The following SEMA3B variants were observed in gnomAD, a reference collection of about 807,000 sequenced individuals.
SEMA3B encodes the protein semaphorin 3B.
In SEMA3B, 71 loss-of-function variants were observed where a neutral mutation model predicts 77.8. The observed-to-expected ratio is 0.91, with a 90% CI of 0.75 to 1.11. The LOEUF (loss-of-function observed/expected upper bound fraction) is 1.11. SEMA3B is among the 50% of genes most tolerant of loss of function. The pLI, the probability that SEMA3B is intolerant of heterozygous loss-of-function variation, is 0.00. For synonymous variants in SEMA3B, 470 were observed against 452.9 expected (o/e 1.04, Z -0.48); for missense variants, 968 against 1,056.8 (o/e 0.92, Z 1.17).
chr3:50,273,626 A>T lies in SEMA3B; in HGVS notation c.902A>T (p.Asp301Val). ...TGCTCGGTGCCCGGCGTCGAGGGCG[A>T]CACCCACTTCGATCAGCTCCGTGAG... The part of the protein sequence containing the change: ...LVCSVPGVEG[D>V]THFDQLQDVF... Residue 301 changes from aspartate to valine, a missense_variant, in exon 8 of 17, where the codon GAC (aspartate) becomes GTC (valine). Asp to Val is a radical substitution (Grantham distance 152). Coordinates refer to ENST00000616701, the MANE Select transcript of SEMA3B (RefSeq NM_001290060.2). This position sits in a 1 kb window ranked among gnomAD's most constrained non-coding sequence, Gnocchi z 6.5. 1 of 1,611,968 alleles carries T rather than the reference A, an allele frequency of 6.2e-7. No homozygotes were observed. The highest frequency in any genetic ancestry group is 8.5e-7 in the Non-Finnish European group (1 of 1,179,584).
At position 50,276,923 on chromosome 3, in the gene SEMA3B, C is replaced by A; in HGVS notation, c.*217C>A. ...GCAGCCCCGGGAGGGCGGCACAGGTCGGGCGCAGGATTCAGCCGGAGGGAA... is the reference window on the plus strand; with the variant it reads ...GCAGCCCCGGGAGGGCGGCACAGGTAGGGCGCAGGATTCAGCCGGAGGGAA... On this transcript the variant is annotated 3_prime_UTR_variant, in exon 17 of 17. Coordinates refer to ENST00000616701, the MANE Select transcript of SEMA3B (RefSeq NM_001290060.2). This position sits in a 1 kb window ranked among gnomAD's most constrained non-coding sequence, Gnocchi z 5.8. The A allele has an allele frequency of 3.8e-6, 2 of 524,510 alleles. No homozygotes were observed. Among genetic ancestry groups the A allele is most frequent in the Non-Finnish European group, 6.3e-6 (2 of 319,734 alleles). The allele number at this position is 524,510 out of a possible 1,614,324, so 32.5% of individuals were successfully genotyped here. A position where few individuals can be genotyped will look rare whatever the true frequency, so the allele number is the denominator to read the frequency against.
rs1553705825 is a variant in SEMA3B at position 50,273,559 on chromosome 3, C to A, written c.835C>A (p.Leu279Met). The change falls in exon 8 of 17, where the codon CTG becomes ATG. Residue 279 changes from leucine to methionine, a missense_variant. Physicochemically the swap from Leu to Met is conservative, Grantham distance 15 (BLOSUM62 2). Transcript: ENST00000616701. This position sits in a 1 kb window ranked among gnomAD's most constrained non-coding sequence, Gnocchi z 6.5. ...GAACGACGTGGGCGGCCAGCGCAGCCTGGTCAACAAGTGGACGACGTTCCT... is the reference window on the plus strand; with the variant it reads ...GAACGACGTGGGCGGCCAGCGCAGCATGGTCAACAAGTGGACGACGTTCCT... ...CRNDVGGQRS[L>M]VNKWTTFLKA... is the part of the protein sequence containing the mutation. 6.2e-7 allele frequency: 1 copy of A among 1,613,314 alleles called. No homozygotes were observed. The highest frequency in any genetic ancestry group is 8.5e-7 in the Non-Finnish European group (1 of 1,179,708).
rs1553706156 is a variant in SEMA3B, at chr3:50,274,608, C to G, written c.1357+26C>G. Reference sequence around the variant, plus strand: ...GTCAGGGTCCCTCCACAGCGACCCCCAGGCTCCCAGCCAGGCCCTGTGGGC... The same window carrying G: ...GTCAGGGTCCCTCCACAGCGACCCCGAGGCTCCCAGCCAGGCCCTGTGGGC... On this transcript the variant is annotated intron_variant, in intron 11 of 16. Coordinates refer to ENST00000616701, the MANE Select transcript of SEMA3B (RefSeq NM_001290060.2). This position sits in a 1 kb window ranked among gnomAD's most constrained non-coding sequence, Gnocchi z 4.7. 6.6e-7 allele frequency: 1 copy of G among 1,514,564 alleles called. No homozygotes were observed. Among genetic ancestry groups the G allele is most frequent in the Non-Finnish European group, 8.9e-7 (1 of 1,129,890 alleles). The allele number at this position is 1,514,564 out of a possible 1,614,324, so 93.8% of individuals were successfully genotyped here. A position where few individuals can be genotyped will look rare whatever the true frequency, so the allele number is the denominator to read the frequency against.
At position 50,270,214 on chromosome 3, in the gene SEMA3B, G is replaced by C; in HGVS notation, c.197G>C (p.Arg66Pro). 1 of 1,610,396 alleles carries C rather than the reference G, an allele frequency of 6.2e-7. No individual in the cohort carries two copies. The highest frequency in any genetic ancestry group is 8.5e-7 in the Non-Finnish European group (1 of 1,178,724). Residue 66 changes from arginine to proline, a missense_variant, in exon 2 of 17, where the codon CGC (arginine) becomes CCC (proline). Physicochemically the swap from Arg to Pro is moderately radical, Grantham distance 103 (BLOSUM62 -2). Coordinates refer to ENST00000616701, the MANE Select transcript of SEMA3B (RefSeq NM_001290060.2). The surrounding 1 kb of genome is among the most constrained non-coding windows in gnomAD (Gnocchi z 4.7). ...QALLVDEERGRLFVGAENHVA... is the reference protein window; with the variant it reads ...QALLVDEERGPLFVGAENHVA... ...TTGCTGGTGGATGAGGAGCGTGGAC[G>C]CCTGTTTGTGGGTGCCGAGAACCAT...
chr3:50,270,972 C>T lies in SEMA3B; in HGVS notation c.413C>T (p.Pro138Leu). The change falls in exon 4 of 17, where the codon CCA (proline) becomes CTA (leucine). Residue 138 changes from proline to leucine, a missense_variant. Pro to Leu is a moderately conservative substitution (Grantham distance 98, BLOSUM62 -3). Transcript: ENST00000616701. This position sits in a 1 kb window ranked among gnomAD's most constrained non-coding sequence, Gnocchi z 4.7. ...GCCTGTGGCACGGGAGCCTTCCACC[C>T]AACCTGTGCCTTTGTGGAAGTGGGC... ...LLACGTGAFH[P>L]TCAFVEVGHR... The T allele has an allele frequency of 6.2e-7, 1 of 1,610,404 alleles. No individual in the cohort carries two copies. The highest frequency in any genetic ancestry group is 8.5e-7 in the Non-Finnish European group (1 of 1,178,344).
In SEMA3B at chr3:50,276,274, C is replaced by T. The variant is rs587748932; in HGVS notation, c.1846-28C>T. 2.1e-6 allele frequency: 3 copies of T among 1,455,278 alleles called. No individual in the cohort carries two copies. Among genetic ancestry groups the T allele is most frequent in the Admixed American group, 5.0e-5 (2 of 39,788 alleles). 90.1% of individuals were successfully genotyped at this position (1,455,278 alleles called of 1,614,324 possible). A position where few individuals can be genotyped will look rare whatever the true frequency, so the allele number is the denominator to read the frequency against. ...GAAGCCCTGTTCCCGGCCCGACACC[C>T]CCGCCTCACGCTGCCCTCTGCCCGC... On this transcript the variant is annotated intron_variant, in intron 16 of 16. Transcript: ENST00000616701. This position sits in a 1 kb window ranked among gnomAD's most constrained non-coding sequence, Gnocchi z 5.8.
In SEMA3B at chr3:50,273,638, A is replaced by G. The variant is rs1307245634; in HGVS notation, c.914A>G (p.Asp305Gly). The G allele has an allele frequency of 6.2e-7, 1 of 1,611,070 alleles. No individual in the cohort carries two copies. The highest frequency in any genetic ancestry group is 2.2e-5 in the East Asian group (1 of 44,868). The change falls in exon 8 of 17, where the codon GAT becomes GGT. Residue 305 changes from aspartate (D) to glycine (G), a missense_variant. Transcript: ENST00000616701. This position sits in a 1 kb window ranked among gnomAD's most constrained non-coding sequence, Gnocchi z 6.5. ...VPGVEGDTHF[D>G]QLQDVFLLSS... ...GGCGTCGAGGGCGACACCCACTTCG[A>G]TCAGCTCCGTGAGTGCGGGAGTGGG...
Position 50,273,678 on chromosome 3 carries a change from G to T in SEMA3B, c.922+32G>T. On this transcript the variant is annotated intron_variant, in intron 8 of 16. Transcript: ENST00000616701. The surrounding 1 kb of genome is among the most constrained non-coding windows in gnomAD (Gnocchi z 6.5). ...GCGGGAGTGGGTATGGGGTTGGGGA[G>T]GGGGGCAGCGGCGCAGACTCCGGGA... 6.2e-7 allele frequency: 1 copy of T among 1,603,340 alleles called. No individual in the cohort carries two copies. The highest frequency in any genetic ancestry group is 8.5e-7 in the Non-Finnish European group (1 of 1,177,766).
Position 50,274,736 on chromosome 3 carries a change from C to G in SEMA3B, c.1358-107C>G. On this transcript the variant is annotated intron_variant, in intron 11 of 16. Transcript: ENST00000616701. This position sits in a 1 kb window ranked among gnomAD's most constrained non-coding sequence, Gnocchi z 4.7. ...CCAACCCACACTCTTCCAGTCCACA[C>G]TCTTCACAACCCAAACATGCTGAGG... 1 of 1,427,656 alleles carries G rather than the reference C, an allele frequency of 7.0e-7. No homozygotes were observed. Among genetic ancestry groups the G allele is most frequent in the Non-Finnish European group, 9.6e-7 (1 of 1,038,940 alleles). 88.4% of individuals were successfully genotyped at this position (1,427,656 alleles called of 1,614,324 possible). A position where few individuals can be genotyped will look rare whatever the true frequency, so the allele number is the denominator to read the frequency against.
At chr3:50,268,349 G>A (rs1037102190), upstream of SEMA3B, among the ~76,000 whole-genome samples, 2 of 152,232 alleles carry the variant, frequency 1.3e-5, no homozygotes, top group Non-Finnish European at 2.9e-5. Flanking sequence ...GCTGCAGTTG[G>A]ATTTGCTCAC....
intron 6 of SEMA3B, among the ~76,000 whole-genome samples, chr3:50,272,912 A>T (rs1701094703): frequency 6.7e-6 from 1 of 148,840 alleles, no homozygotes. Context: ...AAGGATTTGA[A>T]GCAGGAGTGG....
upstream of SEMA3B, chr3:50,262,593 C>G (rs936155966): frequency 6.6e-6 from 1 of 152,252 alleles, no homozygotes; most frequent in Non-Finnish European, 1.5e-5. Flanking sequence ...ACTCAGCCCT[C>G]AGTCACACGG....
Position 50,273,832 on chromosome 3 carries a change from A to G in SEMA3B, c.992+4A>G. 1 of 1,572,212 alleles carries G rather than the reference A, an allele frequency of 6.4e-7. No homozygotes were observed. The highest frequency in any genetic ancestry group is 8.6e-7 in the Non-Finnish European group (1 of 1,157,896). ...ATGCCGTCTTCTCCACGTCCAGGTG[A>G]GGGGCAGGAGGTAGGGAGCGCCCGG... On this transcript the variant is annotated splice_donor_region_variant and intron_variant, in intron 9 of 16. Coordinates refer to ENST00000616701, the MANE Select transcript of SEMA3B (RefSeq NM_001290060.2). This position sits in a 1 kb window ranked among gnomAD's most constrained non-coding sequence, Gnocchi z 6.5.
rs914186837 is a variant in SEMA3B, at chr3:50,274,430, C to T, written c.1205C>T (p.Ala402Val). Reference protein sequence around the residue: ...KDFPDDVIQFARNHPLMYNSV... With the variant: ...KDFPDDVIQFVRNHPLMYNSV... ...TTCCCAGACGATGTCATCCAGTTTG[C>T]GCGGAACCACCCCCTCATGTACAAC... The change falls in exon 11 of 17, where the codon GCG becomes GTG. Residue 402 changes from alanine (A) to valine (V), a missense_variant. Coordinates refer to ENST00000616701, the MANE Select transcript of SEMA3B (RefSeq NM_001290060.2). This position sits in a 1 kb window ranked among gnomAD's most constrained non-coding sequence, Gnocchi z 4.7. The T allele has an allele frequency of 2.0e-6, 3 of 1,519,488 alleles. No homozygotes were observed. Among genetic ancestry groups the T allele is most frequent in the South Asian group, 1.3e-5 (1 of 75,326 alleles). 94.1% of individuals were successfully genotyped at this position (1,519,488 alleles called of 1,614,324 possible).
In SEMA3B at chr3:50,274,820, A is replaced by G. The variant is rs782411666; in HGVS notation, c.1358-23A>G. ...CAGCTGTCCGGGAGCACCAATGGTC[A>G]TTACCCCTTCTCATCCCTGCAGACG... On this transcript the variant is annotated intron_variant, in intron 11 of 16. Coordinates refer to ENST00000616701, the MANE Select transcript of SEMA3B (RefSeq NM_001290060.2). The surrounding 1 kb of genome is among the most constrained non-coding windows in gnomAD (Gnocchi z 4.7). 3.1e-6 allele frequency: 5 copies of G among 1,607,872 alleles called. No homozygotes were observed. The East Asian group carries it at 6.7e-5, about 22-fold the overall frequency.
intron 6 of SEMA3B, among the ~76,000 whole-genome samples, chr3:50,272,568 C>T (rs1052973284): frequency 1.3e-5 from 2 of 151,966 alleles, no homozygotes; most frequent in East Asian, 1.9e-4. Context: ...AAAATTAGTC[C>T]GGCATGATGG....
rs1352364552 is a variant in SEMA3B at position 50,274,984 on chromosome 3, T to C, written c.1450-28T>C. 1.6e-6 allele frequency: 2 copies of C among 1,243,514 alleles called. No homozygotes were observed. The highest frequency in any genetic ancestry group is 3.8e-5 in the Admixed American group (2 of 52,154). The allele number at this position is 1,243,514 out of a possible 1,614,324, so 77.0% of individuals were successfully genotyped here. On this transcript the variant is annotated intron_variant, in intron 12 of 16. Transcript: ENST00000616701. This position sits in a 1 kb window ranked among gnomAD's most constrained non-coding sequence, Gnocchi z 4.7. ...GGGACCCCCCCACCCCACTAAGCCC[T>C]GACCCCGTCGCCCCTCCTCCCTCTC...
rs782526239 is a variant in SEMA3B at position 50,275,836 on chromosome 3, C to CA, written c.1838dup (p.His613GlnfsTer117). Reference sequence around the variant, plus strand: ...TTTCCAGCGCGCAGGGGTGACAGCCCACACCCAGGTGAGCCTTACTCCGCC... The same window carrying CA: ...TTTCCAGCGCGCAGGGGTGACAGCCCAACACCCAGGTGAGCCTTACTCCGCC... On this transcript the variant is annotated frameshift_variant, in exon 16 of 17. Transcript: ENST00000616701. LOFTEE classifies it low-confidence loss of function (END_TRUNC). The surrounding 1 kb of genome is among the most constrained non-coding windows in gnomAD (Gnocchi z 7.5). 6.2e-7 allele frequency: 1 copy of CA among 1,601,548 alleles called. No individual in the cohort carries two copies. Among genetic ancestry groups the CA allele is most frequent in the South Asian group, 1.1e-5 (1 of 90,118 alleles).
chr3:50,274,534 C>A lies in SEMA3B; in HGVS notation c.1309C>A (p.Arg437=), dbSNP rs782769819. Residue 437 remains arginine, a synonymous_variant, in exon 11 of 17, where the codon CGG becomes AGG. Coordinates refer to ENST00000616701, the MANE Select transcript of SEMA3B (RefSeq NM_001290060.2). The surrounding 1 kb of genome is among the most constrained non-coding windows in gnomAD (Gnocchi z 4.7). Reference sequence around the variant, plus strand: ...CACCTTCACTCAAATTGCCGCGGACCGGGTTGCAGCCGCTGACGGACACTA... The same window carrying A: ...CACCTTCACTCAAATTGCCGCGGACAGGGTTGCAGCCGCTGACGGACACTA... ...NYTFTQIAAD[R]VAAADGHYDV... The A allele has an allele frequency of 6.4e-7, 1 of 1,567,188 alleles. No individual in the cohort carries two copies. Among genetic ancestry groups the A allele is most frequent in the Non-Finnish European group, 8.6e-7 (1 of 1,158,160 alleles).
Sources: gnomAD v4.1 joint callset for allele counts (sites outside exome capture counted in the v4.1 genomes callset) on GRCh38, gnomAD v4.1.1 for gene constraint, Gnocchi (gnomAD v3.1) non-coding constraint, MANE v1.5 for transcripts, NCBI Gene and HGNC (gene_info 2026-07-23, HGNC 2026-07-21) for gene names.